The following PTPRD variants were observed in gnomAD, a reference collection of about 807,000 sequenced individuals.
PTPRD encodes the protein receptor-type tyrosine-protein phosphatase delta.
A neutral mutation model predicts 214.5 loss-of-function variants in PTPRD; 34 were observed. The ratio of observed to expected loss-of-function variants is 0.16; its 90% CI spans 0.12 to 0.21. The LOEUF is 0.21. Among genes scored for constraint, PTPRD ranks in the 10% least tolerant of loss-of-function variants. The pLI is 1.00. For synonymous variants in PTPRD, 1,128 were observed against 845.7 expected, an observed-to-expected ratio of 1.33 and a Z score of -5.79; for missense variants, 2,545 against 2,398.7, an observed-to-expected ratio of 1.06 and a Z score of -1.27.
intron 3 of PTPRD, among the ~76,000 whole-genome samples, chr9:10,274,968 T>G (rs764814356): frequency 6.6e-6 from 1 of 152,104 alleles, no homozygotes; most frequent in Non-Finnish European, 1.5e-5. Context: ...CCTAGAAAAT[T>G]TACATATATC....
chr9:8,594,055 G>C lies in PTPRD; in HGVS notation c.352+39262C>G, dbSNP rs554320683. 1.1e-3 allele frequency among the ~76,000 whole-genome samples: 170 copies of C among 152,238 alleles called. 1 individual carries two copies. Among genetic ancestry groups the C allele is most frequent in the Non-Finnish European group, 1.7e-3 (117 of 68,026 alleles). ...ATCCCAAGTTAACTTCCTAATAGTA[G>C]AAAAGGCACTACATTGATGTAATAT... On this transcript the variant is annotated intron_variant, in intron 14 of 45. Coordinates refer to ENST00000381196, the MANE Select transcript of PTPRD (RefSeq NM_002839.4).
intron 3 of PTPRD, among the ~76,000 whole-genome samples, chr9:10,252,836 T>C (rs2092910995): frequency 6.6e-6 from 1 of 151,958 alleles, no homozygotes; most frequent in Non-Finnish European, 1.5e-5. Flanking sequence ...CAGGCTGGAG[T>C]ACAGTGGCAT....
At chr9:10,491,241 G>C (rs534125017) in intron 2 of PTPRD, among the ~76,000 whole-genome samples, 1 of 152,038 alleles carries the variant, frequency 6.6e-6, no homozygotes, top group African/African-American at 2.4e-5. Flanking sequence ...AAAATGCAAC[G>C]TATAATCACA....
chr9:9,864,308 GA>G (rs1427699282), intron 5 of PTPRD, among the ~76,000 whole-genome samples: 2 of 147,510 alleles, frequency 1.4e-5, no homozygotes, highest in Admixed American at 1.3e-4. Flanking sequence ...TCAGTCTTAA[GA>G]AAAAGAAAAA....
chr9:10,208,499 G>C (rs1289677062), intron 3 of PTPRD, among the ~76,000 whole-genome samples: 1 of 152,250 alleles, frequency 6.6e-6, no homozygotes, highest in African/African-American at 2.4e-5. Context: ...GGGCGACAGA[G>C]CGAGACTGCG....
rs79232985 is a variant in PTPRD at position 9,338,644 on chromosome 9, C to T, written c.-203+58805G>A. Among the ~76,000 whole-genome samples the T allele has an allele frequency of 4.4e-3, 672 of 152,230 alleles. 5 individuals are homozygous for T. The highest frequency in any genetic ancestry group is 0.015 in the African/African-American group (615 of 41,556). On this transcript the variant is annotated intron_variant, in intron 9 of 45. Coordinates refer to ENST00000381196, the MANE Select transcript of PTPRD (RefSeq NM_002839.4). ...AGCATTTATTCAAAATTTTTAAAAT[C>T]TAAAGCCTTCTCATTATCAATATTT...
At chr9:10,475,837 T>C (rs1040166992) in intron 2 of PTPRD, among the ~76,000 whole-genome samples, 3 of 151,938 alleles carry the variant, frequency 2.0e-5, no homozygotes, top group African/African-American at 7.3e-5. Context: ...TGCATATCAA[T>C]AAATGTAATC....
chr9:9,548,600 T>C (rs2079414082), intron 8 of PTPRD, among the ~76,000 whole-genome samples: 3 of 151,972 alleles, frequency 2.0e-5, no homozygotes, highest in Admixed American at 2.0e-4. Flanking sequence ...GGTTTCACCA[T>C]GCTGGCCAGG....
At chr9:9,203,824 T>C (rs532192087) in intron 9 of PTPRD, among the ~76,000 whole-genome samples, 1 of 152,300 alleles carries the variant, frequency 6.6e-6, no homozygotes, top group Non-Finnish European at 1.5e-5. Flanking sequence ...AATATGAAAT[T>C]CTTATGTAGA....
intron 2 of PTPRD, among the ~76,000 whole-genome samples, chr9:10,486,207 T>C (rs923232994): frequency 6.6e-6 from 1 of 152,192 alleles, no homozygotes; most frequent in African/African-American, 2.4e-5. Context: ...TTTGTCAATG[T>C]TGGCTTTTGT....
At chr9:10,053,221 T>G (rs1168529953) in intron 3 of PTPRD, among the ~76,000 whole-genome samples, 1 of 152,136 alleles carries the variant, frequency 6.6e-6, no homozygotes, top group Non-Finnish European at 1.5e-5. Flanking sequence ...TGACCTGACT[T>G]TTAAGTGTAC....
At chr9:10,304,953 C>T (rs1278433489) in intron 3 of PTPRD, among the ~76,000 whole-genome samples, 1 of 152,130 alleles carries the variant, frequency 6.6e-6, no homozygotes, top group East Asian at 1.9e-4. Flanking sequence ...ATTGCCGAGA[C>T]AATCCTAAGC....
intron 31 of PTPRD, among the ~76,000 whole-genome samples, chr9:8,466,049 T>C (rs1038242680): frequency 1.3e-5 from 2 of 151,910 alleles, no homozygotes; most frequent in East Asian, 3.9e-4. Flanking sequence ...ATTTATTAAA[T>C]AAGTATTAAC....
intron 4 of PTPRD, among the ~76,000 whole-genome samples, chr9:9,939,651 T>A (rs2090829497): frequency 6.6e-6 from 1 of 152,204 alleles, no homozygotes; most frequent in Non-Finnish European, 1.5e-5. Context: ...TGATGCCTGG[T>A]AACACCCTCT....
intron 11 of PTPRD, among the ~76,000 whole-genome samples, chr9:8,828,107 C>T (rs1168497293): frequency 2.0e-5 from 3 of 152,086 alleles, no homozygotes; most frequent in Admixed American, 6.6e-5. Flanking sequence ...GAGCTGGATG[C>T]AATGATTATG....
intron 9 of PTPRD, among the ~76,000 whole-genome samples, chr9:9,208,695 C>T (rs376078226): frequency 6.6e-5 from 10 of 151,640 alleles, no homozygotes; most frequent in African/African-American, 9.7e-5. Flanking sequence ...AAAGAAGATA[C>T]GATAAAATTG....
chr9:9,980,503 G>A (rs887071456), intron 4 of PTPRD, among the ~76,000 whole-genome samples: 2 of 150,188 alleles, frequency 1.3e-5, no homozygotes, highest in Non-Finnish European at 3.0e-5. Flanking sequence ...AGCTACTTCG[G>A]AGGCTGAGGT....
intron 5 of PTPRD, among the ~76,000 whole-genome samples, chr9:9,817,147 C>G (rs886820197): frequency 3.3e-5 from 5 of 152,022 alleles, no homozygotes; most frequent in Non-Finnish European, 4.4e-5. Flanking sequence ...ATGAGGGAGA[C>G]AAGTCATATA....
chr9:9,132,676 A>G (rs1003151390), intron 10 of PTPRD, among the ~76,000 whole-genome samples: 3 of 152,230 alleles, frequency 2.0e-5, no homozygotes, highest in Admixed American at 2.0e-4. Flanking sequence ...TTAATGCTTC[A>G]TTCAATTTAC....
Sources: gnomAD v4.1 joint callset for allele counts (sites outside exome capture counted in the v4.1 genomes callset) on GRCh38, gnomAD v4.1.1 for gene constraint, MANE v1.5 for transcripts, NCBI Gene and HGNC (gene_info 2026-07-23, HGNC 2026-07-21) for gene names.